CSMD3: variants seen among roughly 807,000 people sequenced by gnomAD.
The protein encoded by CSMD3 is CUB and Sushi multiple domains 3, also known as CUB and sushi domain-containing protein 3.
Under a neutral mutation model 435.2 loss-of-function variants are expected in CSMD3, and 177 were observed. The observed-to-expected ratio is 0.41, with a 90% confidence interval of 0.36 to 0.46. The LOEUF (loss-of-function observed/expected upper bound fraction) is 0.46, where lower values mean the gene tolerates loss of function less well. Among genes scored for constraint, CSMD3 ranks in the 20% least tolerant of loss-of-function variants. CSMD3 has a pLI of 0.34. For missense variants in CSMD3, 4,265 were observed against 4,504.6 expected (o/e 0.95, Z 1.52); for synonymous variants, 1,656 against 1,520.5 (o/e 1.09, Z -2.07).
At chr8:112,831,495 A>G (rs1038811957) in intron 11 of CSMD3, among the ~76,000 whole-genome samples, 3 of 152,048 alleles carry the variant, frequency 2.0e-5, no homozygotes, top group African/African-American at 7.2e-5. Flanking sequence ...TTACCAATTC[A>G]AATGTTCACA....
chr8:112,389,376 T>A (rs542591511), intron 36 of CSMD3, among the ~76,000 whole-genome samples: 6 of 152,300 alleles, frequency 3.9e-5, no homozygotes, highest in African/African-American at 1.4e-4. Context: ...AGCTGGAGCA[T>A]GGGCAATCCC....
Position 112,567,120 on chromosome 8 carries a change from C to G in CSMD3, c.4042+6381G>C, listed in dbSNP as rs1829121713. On this transcript the variant is annotated intron_variant, in intron 24 of 70. Transcript: ENST00000297405. ...CTACTGCTAGTTTCCAACTTTATCA[C>G]TCATTTTGTCTCATTCTCCTTGCTC... 3.3e-5 allele frequency among the ~76,000 whole-genome samples: 5 copies of G among 152,254 alleles called. No homozygotes were observed. In the South Asian group the frequency reaches 1.0e-3, roughly 32 times the overall value.
At chr8:113,376,055 G>A (rs2094380591) in intron 1 of CSMD3, among the ~76,000 whole-genome samples, 1 of 152,028 alleles carries the variant, frequency 6.6e-6, no homozygotes, top group South Asian at 2.1e-4. Flanking sequence ...TTGTCAATTG[G>A]CAAATTCTTA....
chr8:112,938,599 C>T (rs539265998), intron 9 of CSMD3, among the ~76,000 whole-genome samples: 2 of 152,174 alleles, frequency 1.3e-5, no homozygotes, highest in South Asian at 4.1e-4. Context: ...TTTGGAAGGA[C>T]AATTTGTATT....
chr8:112,708,792 G>T (rs7836068), intron 13 of CSMD3, among the ~76,000 whole-genome samples: 1 of 150,872 alleles, frequency 6.6e-6, no homozygotes, highest in Non-Finnish European at 1.5e-5. Context: ...AGCAAAAAAG[G>T]TCGGACTTGG....
At position 113,408,924 on chromosome 8, in the gene CSMD3, C is replaced by T. The variant is rs554057287; in HGVS notation, c.178+27753G>A. ...AAATTATCCACCTGGCTTTGATCTC[C>T]CAAAGTGCTCCGTATAGGCCGGGCT... On this transcript the variant is annotated intron_variant, in intron 1 of 70. Transcript: ENST00000297405. Among the ~76,000 whole-genome samples the T allele has an allele frequency of 2.0e-5, 3 of 152,062 alleles. No individual in the cohort carries two copies. The East Asian group carries it at 5.8e-4, about 30-fold the overall frequency.
chr8:113,258,688 T>A (rs2093403264), intron 3 of CSMD3, among the ~76,000 whole-genome samples: 1 of 152,132 alleles, frequency 6.6e-6, no homozygotes, highest in African/African-American at 2.4e-5. Context: ...AGCATATGTC[T>A]CAAAGGCTTA....
At chr8:112,577,028 G>C (rs1036010060) in intron 23 of CSMD3, among the ~76,000 whole-genome samples, 3 of 151,922 alleles carry the variant, frequency 2.0e-5, no homozygotes, top group Admixed American at 6.6e-5. Flanking sequence ...GAGTCAAAAG[G>C]TAGAAAACAA....
chr8:113,167,951 C>T (rs2092185962), intron 4 of CSMD3, among the ~76,000 whole-genome samples: 1 of 152,152 alleles, frequency 6.6e-6, no homozygotes, highest in South Asian at 2.1e-4. Flanking sequence ...TGTGCTAAAA[C>T]ATTTTCTGAA....
chr8:112,281,954 A>T (rs1818693084), intron 58 of CSMD3, among the ~76,000 whole-genome samples: 1 of 152,118 alleles, frequency 6.6e-6, no homozygotes, highest in African/African-American at 2.4e-5. Flanking sequence ...TATTCTAAAT[A>T]AAAGTTACAA....
rs544048654 is a variant in CSMD3, at chr8:112,275,197, A to C, written c.9508+5977T>G. 2.6e-5 allele frequency among the ~76,000 whole-genome samples: 4 copies of C among 152,256 alleles called. No homozygotes were observed. The South Asian group carries it at 8.3e-4, about 32-fold the overall frequency. On this transcript the variant is annotated intron_variant, in intron 59 of 70. Coordinates refer to ENST00000297405, the MANE Select transcript of CSMD3 (RefSeq NM_198123.2). Reference sequence around the variant, plus strand: ...AAAAAAAAGCAAAACTATATGTATAAGTACATTTTTCACACTGCTGATAAA... The same window carrying C: ...AAAAAAAAGCAAAACTATATGTATACGTACATTTTTCACACTGCTGATAAA...
intron 18 of CSMD3, among the ~76,000 whole-genome samples, chr8:112,651,535 C>T (rs1000072091): frequency 2.7e-5 from 4 of 150,588 alleles, no homozygotes; most frequent in Admixed American, 2.0e-4. Flanking sequence ...TCTAAGCACC[C>T]AGTGCATTTT....
At chr8:112,786,905 G>A (rs1388163334) in intron 13 of CSMD3, among the ~76,000 whole-genome samples, 2 of 151,972 alleles carry the variant, frequency 1.3e-5, no homozygotes, top group Non-Finnish European at 2.9e-5. Context: ...CCTCCCGACA[G>A]GCCCTGGTGT....
intron 35 of CSMD3, among the ~76,000 whole-genome samples, chr8:112,399,214 C>T (rs7818132): frequency 0.4 from 60,211 of 151,674 alleles, 13,905 homozygotes; most frequent in Middle Eastern, 0.59. Flanking sequence ...TTCCCATTTT[C>T]CCAATACAGG....
chr8:112,680,199 A>G (rs2075857434), intron 16 of CSMD3, among the ~76,000 whole-genome samples: 1 of 152,166 alleles, frequency 6.6e-6, no homozygotes, highest in Non-Finnish European at 1.5e-5. Context: ...TACTAAGAAT[A>G]CAAAAAAAAT....
chr8:112,504,841 A>G (rs1194947819), intron 29 of CSMD3, among the ~76,000 whole-genome samples: 1 of 152,118 alleles, frequency 6.6e-6, no homozygotes, highest in East Asian at 1.9e-4. Context: ...GTAGAGAAAT[A>G]TGGGGTAAAG....
At chr8:113,383,106 T>G (rs1453969780) in intron 1 of CSMD3, among the ~76,000 whole-genome samples, 1 of 152,068 alleles carries the variant, frequency 6.6e-6, no homozygotes, top group Non-Finnish European at 1.5e-5. Flanking sequence ...GGAGGAGGAA[T>G]GGACACTGCA....
intron 4 of CSMD3, among the ~76,000 whole-genome samples, chr8:113,128,892 C>A (rs182710845): frequency 2.0e-5 from 3 of 152,078 alleles, no homozygotes; most frequent in Admixed American, 6.6e-5. Flanking sequence ...AAATGGCATA[C>A]ATTTATATGT....
At chr8:112,358,575 A>C (rs1351740479) in intron 38 of CSMD3, among the ~76,000 whole-genome samples, 1 of 152,188 alleles carries the variant, frequency 6.6e-6, no homozygotes, top group East Asian at 1.9e-4. Context: ...ACAGTGAATA[A>C]GTCTCACAAG....
Sources: gnomAD v4.1 joint callset for allele counts (sites outside exome capture counted in the v4.1 genomes callset) on GRCh38, gnomAD v4.1.1 for gene constraint, MANE v1.5 for transcripts, NCBI Gene and HGNC (gene_info 2026-07-23, HGNC 2026-07-21) for gene names.